The following EDEM2 variants were observed in gnomAD, a reference collection of about 807,000 sequenced individuals.
EDEM2 encodes ER degradation-enhancing alpha-mannosidase-like protein 2.
In EDEM2, 39 loss-of-function variants were observed where a neutral mutation model predicts 64.8. That is an observed-to-expected ratio of 0.60 (90% CI 0.47 to 0.79). EDEM2 has a LOEUF of 0.79. Ranked by LOEUF, EDEM2 falls within the 30% of genes least tolerant of loss-of-function variation. The pLI is 0.00. For missense variants in EDEM2, 609 were observed against 731.3 expected, an observed-to-expected ratio of 0.83 and a Z score of 1.93; for synonymous variants, 296 against 291.5, an observed-to-expected ratio of 1.02 and a Z score of -0.16.
chr20:35,115,634 C>G lies in EDEM2; in HGVS notation c.1536G>C (p.Arg512Ser). Residue 512 changes from arginine to serine, a missense_variant, in exon 11 of 11, where the codon AGG (arginine) becomes AGC (serine). Transcript: ENST00000374492. ...TAACAGTGTTTTTCTGAAATTTCGA[C>G]CTGCTCCGTTTGAGAGAGTAGAATT... ...MREFYSLKRSRSKFQKNTVSS... is the reference protein window; with the variant it reads ...MREFYSLKRSSSKFQKNTVSS... 1 of 1,614,170 alleles carries G rather than the reference C, an allele frequency of 6.2e-7. No homozygotes were observed. Among genetic ancestry groups the G allele is most frequent in the Non-Finnish European group, 8.5e-7 (1 of 1,180,030 alleles).
intron 3 of EDEM2, among the ~76,000 whole-genome samples, chr20:35,143,033 G>C (rs759906280): frequency 5.9e-5 from 9 of 152,190 alleles, no homozygotes; most frequent in Non-Finnish European, 1.2e-4. Context: ...TGGGATTACA[G>C]GTGTGAGCGA....
At chr20:35,118,560 A>G (rs1230556263) in intron 10 of EDEM2, 38 bp downstream of exon 10, 1 of 1,613,112 alleles carries the variant, frequency 6.2e-7, no homozygotes, top group Non-Finnish European at 8.5e-7. Flanking sequence ...CAGCAAGGGG[A>G]GACTCTTCCC....
intron 5 of EDEM2, among the ~76,000 whole-genome samples, chr20:35,137,130 G>C (rs570299621): frequency 6.6e-6 from 1 of 152,052 alleles, no homozygotes; most frequent in East Asian, 1.9e-4. Context: ...CCAAACTGTG[G>C]AGAGAGGCCA....
At chr20:35,137,697 C>T (rs1165545027) in intron 5 of EDEM2, among the ~76,000 whole-genome samples, 183 bp downstream of exon 5, 1 of 152,232 alleles carries the variant, frequency 6.6e-6, no homozygotes, top group East Asian at 1.9e-4. Flanking sequence ...GTCAGGGCCC[C>T]AGCAGGCCCT....
rs73279912 is a variant in EDEM2, at chr20:35,121,269, G to C, written c.1115-2550C>G. On this transcript the variant is annotated intron_variant, in intron 9 of 10. Coordinates refer to ENST00000374492, the MANE Select transcript of EDEM2 (RefSeq NM_018217.3). ...CAACTAGACAGCCCTATCTGGGGTT[G>C]ATGGATGACAGTGACAGATCATCAG... Among the ~76,000 whole-genome samples, 400 of 152,308 alleles carry C rather than the reference G, an allele frequency of 2.6e-3. 5 individuals carry two copies. Among genetic ancestry groups the C allele is most frequent in the African/African-American group, 8.9e-3 (371 of 41,560 alleles).
chr20:35,121,505 C>T (rs2085368313), intron 9 of EDEM2, among the ~76,000 whole-genome samples: 1 of 152,342 alleles, frequency 6.6e-6, no homozygotes, highest in South Asian at 2.1e-4. Context: ...GGCCTGGTTT[C>T]TAACAGGCCA....
Position 35,131,709 on chromosome 20 carries a change from G to A in EDEM2, c.777C>T (p.Ser259=). The change falls in exon 7 of 11, where the codon TCC becomes TCT. Residue 259 remains serine (S), a synonymous_variant. Coordinates refer to ENST00000374492, the MANE Select transcript of EDEM2 (RefSeq NM_018217.3). ...QDAGIGAGVD[S]YFEYLVKGAI... ...CTCCTTTCACCAAGTACTCAAAGTA[G>A]GAGTCCACGCCAGCCCCGATGCCTG... 1.2e-6 allele frequency: 2 copies of A among 1,614,186 alleles called. No homozygotes were observed. Among genetic ancestry groups the A allele is most frequent in the South Asian group, 2.2e-5 (2 of 91,076 alleles).
At chr20:35,120,667 G>C (rs1197814118) in intron 9 of EDEM2, among the ~76,000 whole-genome samples, 1 of 143,572 alleles carries the variant, frequency 7.0e-6, no homozygotes, top group Non-Finnish European at 1.5e-5. Flanking sequence ...GCATGATCTT[G>C]GCTCACTGCA....
In EDEM2 at chr20:35,116,035, G is replaced by A. The variant is rs547396123; in HGVS notation, c.1237-102C>T. On this transcript the variant is annotated intron_variant, in intron 10 of 10. Transcript: ENST00000374492. Reference sequence around the variant, plus strand: ...GCCTGTTCTGCCACAAAGCAGCTGAGGGCCTGTGAGCAAATCACTGAACTT... The same window carrying A: ...GCCTGTTCTGCCACAAAGCAGCTGAAGGCCTGTGAGCAAATCACTGAACTT... 1.2e-5 allele frequency: 15 copies of A among 1,293,638 alleles called. No homozygotes were observed. The Admixed American group carries it at 2.2e-4, about 19-fold the overall frequency. The allele number at this position is 1,293,638 out of a possible 1,614,324, so 80.1% of individuals were successfully genotyped here. A position where few individuals can be genotyped will look rare whatever the true frequency, so the allele number is the denominator to read the frequency against.
intron 9 of EDEM2, among the ~76,000 whole-genome samples, chr20:35,120,467 G>A (rs1449690306): frequency 6.6e-6 from 1 of 151,902 alleles, no homozygotes; most frequent in Non-Finnish European, 1.5e-5. Flanking sequence ...TAATCTAATT[G>A]CTCATATTCT....
chr20:35,134,982 G>T, intron 5 of EDEM2, 33 bp from the exon 6 acceptor site: 1 of 1,605,608 alleles, frequency 6.2e-7, no homozygotes, highest in South Asian at 1.1e-5. Flanking sequence ...TCCCGGACAG[G>T]AGCAGGGGGA....
chr20:35,128,276 G>A (rs531226379), intron 7 of EDEM2, among the ~76,000 whole-genome samples: 7 of 151,050 alleles, frequency 4.6e-5, no homozygotes, highest in South Asian at 2.1e-4. Flanking sequence ...CCAGCTACTC[G>A]GGAGGCTGAG....
rs926033227 is a variant in EDEM2 at position 35,131,932 on chromosome 20, A to T, written c.703-149T>A. On this transcript the variant is annotated intron_variant, in intron 6 of 10. Transcript: ENST00000374492. ...ATGCAGACCCTGAGAGGGAAGGGCA[A>T]TGCTGGATCATGGCCAGCCTTCCTG... The T allele has an allele frequency of 3.4e-6, 3 of 877,658 alleles. No individual in the cohort carries two copies. The African/African-American group carries it at 5.1e-5, about 15-fold the overall frequency. 54.4% of individuals were successfully genotyped at this position (877,658 alleles called of 1,614,324 possible).
intron 5 of EDEM2, among the ~76,000 whole-genome samples, chr20:35,135,260 C>A (rs779352148): frequency 8.5e-5 from 13 of 152,204 alleles, no homozygotes; most frequent in Non-Finnish European, 1.3e-4. Flanking sequence ...TTTTACACTA[C>A]GCCTTCAAAG....
At chr20:35,128,871 T>A (rs1214385848) in intron 7 of EDEM2, among the ~76,000 whole-genome samples, 3 of 151,066 alleles carry the variant, frequency 2.0e-5, no homozygotes, top group Admixed American at 2.0e-4. Context: ...TGTATAGCTG[T>A]ACAATGTGTT....
rs112715569 is a variant in EDEM2, at chr20:35,115,718, G to A, written c.1452C>T (p.Ala484=). 437 of 1,614,200 alleles carry A rather than the reference G, an allele frequency of 2.7e-4. 1 individual carries two copies. In the African/African-American group the frequency reaches 4.8e-3, roughly 18 times the overall value. ...CCTTCAGCCTCTGGCAGCAGTGCAG[G>A]GCGGCAGGGTCGATGGGGTGAGCTT... ...NTEAHPIDPA[A]LHCCQRLKEE... The change falls in exon 11 of 11, where the codon GCC becomes GCT. Residue 484 remains alanine (A), a synonymous_variant. Transcript: ENST00000374492.
chr20:35,123,011 C>G (rs1177431818), intron 9 of EDEM2, among the ~76,000 whole-genome samples: 2 of 152,136 alleles, frequency 1.3e-5, no homozygotes, highest in African/African-American at 4.8e-5. Context: ...TCCCTCCTCA[C>G]AATTTTCAGC....
intron 10 of EDEM2, among the ~76,000 whole-genome samples, chr20:35,117,930 A>C (rs1157902727): frequency 6.6e-6 from 1 of 152,082 alleles, no homozygotes; most frequent in African/African-American, 2.4e-5. Context: ...AGAAAAAAAA[A>C]CCCAAACTCT....
chr20:35,142,532 T>C, intron 3 of EDEM2, 54 bp from the exon 4 acceptor site: 2 of 1,379,200 alleles, frequency 1.5e-6, no homozygotes, highest in Non-Finnish European at 2.0e-6. Context: ...TGGAGGCAGA[T>C]TCAGAGTCTG....
Sources: gnomAD v4.1 joint callset for allele counts (sites outside exome capture counted in the v4.1 genomes callset) on GRCh38, gnomAD v4.1.1 for gene constraint, MANE v1.5 for transcripts, NCBI Gene and HGNC (gene_info 2026-07-23, HGNC 2026-07-21) for gene names.